The following ADGRV1 variants were observed in gnomAD, a reference collection of about 807,000 sequenced individuals.
The protein encoded by ADGRV1 is adhesion G protein-coupled receptor V1.
A neutral mutation model predicts 596.2 loss-of-function variants in ADGRV1; 359 were observed. That is an observed-to-expected ratio of 0.60 (90% CI 0.55 to 0.66). ADGRV1 has a LOEUF of 0.66. ADGRV1 is among the 30% of genes least tolerant of loss of function. The pLI, the probability that ADGRV1 is intolerant of heterozygous loss-of-function variation, is 0.00. For missense variants in ADGRV1, 7,274 were observed against 7,575.6 expected, an observed-to-expected ratio of 0.96 and a Z score of 1.48; for synonymous variants, 2,681 against 2,679.2, an observed-to-expected ratio of 1.00 and a Z score of -0.02.
At chr5:90,886,556 G>A (rs939464834) in intron 83 of ADGRV1, among the ~76,000 whole-genome samples, 5 of 152,190 alleles carry the variant, frequency 3.3e-5, no homozygotes, top group Admixed American at 6.5e-5. Context: ...TAGCCATAGC[G>A]TTAAGCTTTA....
Position 90,840,466 on chromosome 5 carries a change from T to C in ADGRV1, c.16612-112T>C, listed in dbSNP as rs1765329145. 1.3e-5 allele frequency: 11 copies of C among 815,370 alleles called. No individual in the cohort carries two copies. In the South Asian group the frequency reaches 2.0e-4, roughly 15 times the overall value. 50.5% of individuals were successfully genotyped at this position (815,370 alleles called of 1,614,324 possible). On this transcript the variant is annotated intron_variant, in intron 77 of 89. Coordinates refer to ENST00000405460, the MANE Select transcript of ADGRV1 (RefSeq NM_032119.4). Reference sequence around the variant, plus strand: ...TCTTTAGGTAGTACTGTCATCATCATTGCCCTTCAGTTTGTTTAAGAGAAA... The same window carrying C: ...TCTTTAGGTAGTACTGTCATCATCACTGCCCTTCAGTTTGTTTAAGAGAAA...
chr5:91,105,458 G>A (rs189520889), intron 87 of ADGRV1, among the ~76,000 whole-genome samples: 1 of 152,278 alleles, frequency 6.6e-6, no homozygotes, highest in East Asian at 1.9e-4. Flanking sequence ...CCCACCAGCG[G>A]TGTAGAAGAG....
intron 1 of ADGRV1, among the ~76,000 whole-genome samples, chr5:90,611,735 G>T (rs1762752098): frequency 6.6e-6 from 1 of 151,822 alleles, no homozygotes. Context: ...AGAAAAAAAT[G>T]ACCTAAAATA....
At chr5:90,873,630 T>C (rs1158157813) in intron 83 of ADGRV1, among the ~76,000 whole-genome samples, 1 of 151,998 alleles carries the variant, frequency 6.6e-6, no homozygotes, top group Non-Finnish European at 1.5e-5. Flanking sequence ...CAAAAAATGC[T>C]CAGAGAAAAA....
chr5:90,897,070 T>C (rs1771398245), intron 83 of ADGRV1, among the ~76,000 whole-genome samples: 1 of 152,264 alleles, frequency 6.6e-6, no homozygotes, highest in South Asian at 2.1e-4. Flanking sequence ...TAGCTATTTC[T>C]TATTGGCTCC....
chr5:90,581,773 T>C (rs1758094277), intron 1 of ADGRV1, among the ~76,000 whole-genome samples: 2 of 152,206 alleles, frequency 1.3e-5, no homozygotes. Context: ...CACTGCTCTC[T>C]TCAGAGCTGT....
At chr5:90,964,788 AAG>A (rs146609101) in intron 83 of ADGRV1, among the ~76,000 whole-genome samples, 19,125 of 151,036 alleles carry the variant, frequency 0.13, 1,930 homozygotes, top group African/African-American at 0.27. Context: ...CTGGTTAAAA[AAG>A]AGAGAGAGAG....
At chr5:91,114,801 A>G (rs1036522140) in intron 87 of ADGRV1, among the ~76,000 whole-genome samples, 1 of 152,110 alleles carries the variant, frequency 6.6e-6, no homozygotes, top group East Asian at 1.9e-4. Context: ...CTTAGTCCCC[A>G]TAGCCTTTCC....
intron 78 of ADGRV1, 41 bp downstream of exon 78, chr5:90,841,026 T>C: frequency 7.1e-7 from 1 of 1,404,446 alleles, no homozygotes; most frequent in Non-Finnish European, 9.3e-7. Flanking sequence ...TAGTGAAATT[T>C]TGTAAATTTA....
At chr5:91,054,142 T>C (rs1581913248) in intron 85 of ADGRV1, among the ~76,000 whole-genome samples, 1 of 140,846 alleles carries the variant, frequency 7.1e-6, no homozygotes, top group Admixed American at 7.3e-5. Flanking sequence ...AGACAAAGAC[T>C]CTGAAACAGC....
chr5:90,930,305 A>G (rs61646974), intron 83 of ADGRV1, among the ~76,000 whole-genome samples: 2 of 152,168 alleles, frequency 1.3e-5, no homozygotes, highest in Non-Finnish European at 2.9e-5. Context: ...GAGGCATATC[A>G]TGAGTCCTTC....
Position 90,581,129 on chromosome 5 carries a change from T to G in ADGRV1, c.22+22212T>G, listed in dbSNP as rs140662064. On this transcript the variant is annotated intron_variant, in intron 1 of 89. Coordinates refer to ENST00000405460, the MANE Select transcript of ADGRV1 (RefSeq NM_032119.4). Reference sequence around the variant, plus strand: ...AGGTCATTTAAAGTCTCCTCTACACTGTTTATTCTAGTTAGCCATTCGTCT... The same window carrying G: ...AGGTCATTTAAAGTCTCCTCTACACGGTTTATTCTAGTTAGCCATTCGTCT... Among the ~76,000 whole-genome samples, 1,398 of 152,340 alleles carry G rather than the reference T, an allele frequency of 9.2e-3. 12 individuals are homozygous for G. The highest frequency in any genetic ancestry group is 0.032 in the African/African-American group (1,332 of 41,580).
At chr5:90,821,009 G>T (rs1412147094) in intron 75 of ADGRV1, among the ~76,000 whole-genome samples, 2 of 152,036 alleles carry the variant, frequency 1.3e-5, no homozygotes, top group African/African-American at 4.8e-5. Flanking sequence ...CCTGCAGAGT[G>T]TTTTCCACCT....
chr5:90,710,868 AT>A (rs1749247084), intron 39 of ADGRV1, 112 bp from the exon 40 acceptor site: 1 of 613,452 alleles, frequency 1.6e-6, no homozygotes, highest in African/African-American at 1.9e-5. Context: ...AATGTTGATA[AT>A]ACCTGTACAT....
At chr5:90,824,747 T>C (rs1763929167) in intron 76 of ADGRV1, among the ~76,000 whole-genome samples, 1 of 152,214 alleles carries the variant, frequency 6.6e-6, no homozygotes, top group African/African-American at 2.4e-5. Flanking sequence ...ATAGACTAAT[T>C]GATGTTTATA....
In ADGRV1 at chr5:90,694,447, A is replaced by G. The variant is rs1746905265; in HGVS notation, c.7691A>G (p.Asn2564Ser). The change falls in exon 33 of 90, where the codon AAT (asparagine) becomes AGT (serine). Residue 2564 changes from asparagine (N) to serine (S), a missense_variant. Physicochemically the swap from Asn to Ser is conservative, Grantham distance 46. Coordinates refer to ENST00000405460, the MANE Select transcript of ADGRV1 (RefSeq NM_032119.4). ...LKNQPTIGQP[N>S]ISTVVIALNG... ...AATCAGCCAACCATAGGACAGCCAA[A>G]TATTTCTACAGTTGTCATAGCACTA... is the stretch of plus-strand genomic sequence containing the variant. The G allele has an allele frequency of 6.2e-7, 1 of 1,613,856 alleles. No individual in the cohort carries two copies. Among genetic ancestry groups the G allele is most frequent in the Non-Finnish European group, 8.5e-7 (1 of 1,179,858 alleles).
rs1013004440 is a variant in ADGRV1, at chr5:90,683,669, C to A, written c.5748C>A (p.Thr1916=). ...DSDPDGDLAF[T]SGNITFEIGQ... is the part of the protein sequence containing the mutation. The stretch of plus-strand genomic sequence containing the variant: ...ATCCTGATGGTGATCTCGCCTTCAC[C>A]TCTGGCAACATCACATTTGAGATTG... The change falls in exon 28 of 90, where the codon ACC becomes ACA. Residue 1916 remains threonine (T), a synonymous_variant. Coordinates refer to ENST00000405460, the MANE Select transcript of ADGRV1 (RefSeq NM_032119.4). 2 of 1,613,760 alleles carry A rather than the reference C, an allele frequency of 1.2e-6. No homozygotes were observed. The highest frequency in any genetic ancestry group is 1.7e-6 in the Non-Finnish European group (2 of 1,179,794).
At chr5:90,737,861 TA>T (rs577803447) in intron 50 of ADGRV1, among the ~76,000 whole-genome samples, 22 of 151,302 alleles carry the variant, frequency 1.5e-4, no homozygotes, top group East Asian at 7.7e-4. Flanking sequence ...GATTGGATCT[TA>T]TTTTTTTTTA....
intron 83 of ADGRV1, among the ~76,000 whole-genome samples, chr5:90,921,062 A>G (rs527828010): frequency 4.6e-5 from 7 of 152,278 alleles, no homozygotes; most frequent in African/African-American, 1.7e-4. Flanking sequence ...CAAGTTCCCT[A>G]TGTGTTCCTC....
Sources: allele counts gnomAD v4.1 joint callset (sites outside exome capture counted in the v4.1 genomes callset), GRCh38; gene constraint gnomAD v4.1.1; transcripts MANE v1.5; gene names NCBI Gene and HGNC (gene_info 2026-07-23, HGNC 2026-07-21).